Variants in CELF2 observed in about 807,000 individuals in gnomAD.
CELF2 encodes CUGBP Elav-like family member 2.
In CELF2, 8 loss-of-function variants were observed where a neutral mutation model predicts 62.6. The ratio of observed to expected loss-of-function variants is 0.13; its 90% CI spans 0.07 to 0.23. The LOEUF (loss-of-function observed/expected upper bound fraction) is 0.23, where lower values mean the gene tolerates loss of function less well. Among genes scored for constraint, CELF2 ranks in the 10% least tolerant of loss-of-function variants. The pLI is 1.00. For missense variants in CELF2, 333 were observed against 671.0 expected (o/e 0.50, Z 5.56); for synonymous variants, 258 against 250.0 (o/e 1.03, Z -0.30).
chr10:10,546,819 A>T, the CELF2 span, among the ~76,000 whole-genome samples: 1 of 151,352 alleles, frequency 6.6e-6, no homozygotes, highest in Non-Finnish European at 1.5e-5. Context: ...TTAAAACTTC[A>T]TATTCAGCCA....
Position 10,934,525 on chromosome 10 carries a change from T to C in CELF2, c.89+14526T>C, listed in dbSNP as rs1216269918. 4 of 152,146 alleles carry C rather than the reference T, an allele frequency of 2.6e-5. No individual in the cohort carries two copies. The highest frequency in any genetic ancestry group is 9.7e-5 in the African/African-American group (4 of 41,424). The allele number at this position is 152,146 out of a possible 1,614,324, so 9.4% of individuals were successfully genotyped here. A position where few individuals can be genotyped will look rare whatever the true frequency, so the allele number is the denominator to read the frequency against. ...CGAAATAGTTGATTACAGAAAATAT[T>C]GGGGAAAACTAATCAATATTATTTG... On this transcript the variant is annotated intron_variant, in intron 2 of 13. Transcript: ENST00000636488. The surrounding 1 kb of genome is among the most constrained non-coding windows in gnomAD (Gnocchi z 4.4).
At chr10:11,040,317 T>G (rs1222367100) in intron 1 of CELF2, among the ~76,000 whole-genome samples, 1 of 152,214 alleles carries the variant, frequency 6.6e-6, no homozygotes, top group Non-Finnish European at 1.5e-5. Context: ...GGTCTCTGTT[T>G]CGAAAACACA....
chr10:11,130,371 G>C (rs1367427275), intron 1 of CELF2, among the ~76,000 whole-genome samples: 4 of 152,202 alleles, frequency 2.6e-5, no homozygotes, highest in South Asian at 4.1e-4. Flanking sequence ...CCCCTGAGCA[G>C]GTAGGGGCTG....
the CELF2 span, among the ~76,000 whole-genome samples, chr10:10,616,719 T>TGTGAGA: frequency 1.8e-5 from 1 of 55,140 alleles, no homozygotes; most frequent in African/African-American, 4.1e-5. Flanking sequence ...TGTGTGTGTG[T>TGTGAGA]GAGAGAGAGA....
chr10:10,732,744 G>A, the CELF2 span, among the ~76,000 whole-genome samples: 1 of 152,088 alleles, frequency 6.6e-6, no homozygotes, highest in South Asian at 2.1e-4. Flanking sequence ...GGCTGGTCTT[G>A]AACTCCTGAC....
the CELF2 span, among the ~76,000 whole-genome samples, chr10:10,597,773 A>G: frequency 3.7e-4 from 56 of 152,298 alleles, no homozygotes; most frequent in African/African-American, 1.3e-3. Flanking sequence ...AGGTTTTGCA[A>G]TCTTTTTCAA....
intron 1 of CELF2, among the ~76,000 whole-genome samples, chr10:11,077,785 A>G (rs1194453853): frequency 6.6e-6 from 1 of 152,188 alleles, no homozygotes; most frequent in African/African-American, 2.4e-5. Context: ...CAGTGCACAT[A>G]AACATAAAAT....
At chr10:10,538,717 A>T in the CELF2 span, among the ~76,000 whole-genome samples, 1 of 152,188 alleles carries the variant, frequency 6.6e-6, no homozygotes, top group Non-Finnish European at 1.5e-5. Flanking sequence ...AACCATTATG[A>T]GCATGGAGAA....
intron 9 of CELF2, among the ~76,000 whole-genome samples, chr10:11,304,428 G>A (rs1308554072): frequency 6.6e-6 from 1 of 152,214 alleles, no homozygotes; most frequent in South Asian, 2.1e-4. Context: ...GTACCTGAAA[G>A]TAATTTATTT....
At chr10:11,017,120 T>C (rs1171347457), upstream of CELF2, among the ~76,000 whole-genome samples, 1 of 152,244 alleles carries the variant, frequency 6.6e-6, no homozygotes, top group Non-Finnish European at 1.5e-5. The surrounding 1 kb of genome is among the most constrained non-coding windows in gnomAD (Gnocchi z 5.5). Context: ...CTCTGTTTTT[T>C]CTGAGTTTGG....
At chr10:11,272,545 C>G (rs2084228603) in intron 7 of CELF2, among the ~76,000 whole-genome samples, 2 of 152,352 alleles carry the variant, frequency 1.3e-5, no homozygotes, top group South Asian at 4.1e-4. Context: ...CCTGTGCCCC[C>G]ACGGCTCACA....
At chr10:10,609,451 C>T in the CELF2 span, among the ~76,000 whole-genome samples, 15 of 152,098 alleles carry the variant, frequency 9.9e-5, no homozygotes, top group African/African-American at 2.7e-4. Context: ...CGAATACCAC[C>T]GCGCGTGCAC....
chr10:10,531,738 T>G, the CELF2 span, among the ~76,000 whole-genome samples: 5 of 152,210 alleles, frequency 3.3e-5, no homozygotes, highest in Admixed American at 2.0e-4. Context: ...TGATAAATTT[T>G]GAATCAGAAT....
Position 11,157,899 on chromosome 10 carries a change from G to A in CELF2, c.75-7587G>A, listed in dbSNP as rs2064869705. ...GAAGTTACCTGCCTTGAGAAGCACA[G>A]TCACCACAACCTAGTCTGCAGGGAA... On this transcript the variant is annotated intron_variant, in intron 1 of 12. Coordinates refer to ENST00000633077, the MANE Select transcript of CELF2 (RefSeq NM_001326342.2). The surrounding 1 kb of genome is among the most constrained non-coding windows in gnomAD (Gnocchi z 4.9). Among the ~76,000 whole-genome samples, 1 of 152,214 alleles carries A rather than the reference G, an allele frequency of 6.6e-6. No homozygotes were observed. Among genetic ancestry groups the A allele is most frequent in the African/African-American group, 2.4e-5 (1 of 41,446 alleles).
the CELF2 span, among the ~76,000 whole-genome samples, chr10:10,770,640 C>T: frequency 6.6e-6 from 1 of 152,086 alleles, no homozygotes; most frequent in African/African-American, 2.4e-5. Flanking sequence ...CACAGAGCCC[C>T]CACTGCAATG....
chr10:11,049,446 A>AT (rs1189708182), intron 1 of CELF2, among the ~76,000 whole-genome samples: 32 of 145,320 alleles, frequency 2.2e-4, no homozygotes, highest in African/African-American at 8.6e-4. Flanking sequence ...TCGAAAATAG[A>AT]TGGGGGAGAG....
intron 1 of CELF2, among the ~76,000 whole-genome samples, chr10:11,084,989 C>A (rs2141601695): frequency 6.6e-6 from 1 of 152,246 alleles, no homozygotes; most frequent in Non-Finnish European, 1.5e-5. Flanking sequence ...TTTTCAAAGG[C>A]TTTGGTTTCT....
At chr10:10,746,187 G>A in the CELF2 span, among the ~76,000 whole-genome samples, 1 of 152,222 alleles carries the variant, frequency 6.6e-6, no homozygotes, top group African/African-American at 2.4e-5. Flanking sequence ...AAATCTTGTA[G>A]CAGGATTTGT....
intron 1 of CELF2, among the ~76,000 whole-genome samples, chr10:11,144,342 C>T (rs566867702): frequency 3.7e-4 from 57 of 152,160 alleles, no homozygotes; most frequent in Non-Finnish European, 6.3e-4. Context: ...ATCAATTTAG[C>T]CATGGGATAT....
Sources: allele counts gnomAD v4.1 joint callset (sites outside exome capture counted in the v4.1 genomes callset), GRCh38; gene constraint gnomAD v4.1.1; non-coding constraint Gnocchi (gnomAD v3.1); transcripts MANE v1.5; gene names NCBI Gene and HGNC (gene_info 2026-07-23, HGNC 2026-07-21).